Variants in LRRC63 observed in about 807,000 individuals in gnomAD.
LRRC63 encodes leucine-rich repeat-containing protein 63.
In LRRC63, 40 loss-of-function variants were observed where a neutral mutation model predicts 49.5. The ratio of observed to expected loss-of-function variants is 0.81; its 90% CI spans 0.63 to 1.05. The LOEUF (loss-of-function observed/expected upper bound fraction) is 1.05, where lower values mean the gene tolerates loss of function less well. LRRC63 is among the 50% of genes least tolerant of loss of function. The pLI is 0.00. For missense variants in LRRC63, 636 were observed against 663.1 expected (o/e 0.96, Z 0.45); for synonymous variants, 191 against 221.1 (o/e 0.86, Z 1.21).
chr13:46,216,913 T>A (rs1357045701), intron 2 of LRRC63, among the ~76,000 whole-genome samples: 1 of 152,190 alleles, frequency 6.6e-6, no homozygotes, highest in East Asian at 1.9e-4. Flanking sequence ...GTTTATTGAT[T>A]TGATTTATGT....
chr13:46,215,074 C>T (rs1042683391), intron 2 of LRRC63, among the ~76,000 whole-genome samples: 5 of 152,192 alleles, frequency 3.3e-5, no homozygotes, highest in African/African-American at 7.2e-5. Flanking sequence ...AATAAACATA[C>T]GTGTGCATGT....
At chr13:46,264,258 T>C (rs144188251) in intron 8 of LRRC63, among the ~76,000 whole-genome samples, 24 of 152,358 alleles carry the variant, frequency 1.6e-4, no homozygotes, top group Admixed American at 5.2e-4. Context: ...GTGAATTATT[T>C]GAATCAGCCA....
In LRRC63 at chr13:46,237,420, T is replaced by C. The variant is rs115163983; in HGVS notation, c.990+3071T>C. Among the ~76,000 whole-genome samples the C allele has an allele frequency of 4.9e-3, 743 of 152,252 alleles. 1 individual carries two copies. Among genetic ancestry groups the C allele is most frequent in the Non-Finnish European group, 9.0e-3 (614 of 67,976 alleles). ...ATGTTGGTTCATTGATTGTAACAAA[T>C]ATACCAACATGGTGTACAAGTTGTT... is the stretch of plus-strand genomic sequence containing the variant. On this transcript the variant is annotated intron_variant, in intron 5 of 9. Coordinates refer to ENST00000595396, the Ensembl canonical transcript of LRRC63.
At chr13:46,255,708 T>C (rs991786699) in intron 7 of LRRC63, among the ~76,000 whole-genome samples, 8 of 150,152 alleles carry the variant, frequency 5.3e-5, no homozygotes, top group Non-Finnish European at 8.9e-5. Context: ...CTCCTAGTCT[T>C]CCTTCTTTCT....
At chr13:46,217,036 C>T (rs927372065) in intron 2 of LRRC63, among the ~76,000 whole-genome samples, 1 of 152,136 alleles carries the variant, frequency 6.6e-6, no homozygotes, top group African/African-American at 2.4e-5. Flanking sequence ...ATTTTCACAT[C>T]GATGTTCATC....
chr13:46,245,644 G>A (rs995931115), intron 5 of LRRC63, among the ~76,000 whole-genome samples: 2 of 151,924 alleles, frequency 1.3e-5, no homozygotes, highest in African/African-American at 4.8e-5. Context: ...AATAGGTCAA[G>A]AAAGAAAACA....
At chr13:46,268,161 GAGAA>G (rs1186554551) in intron 9 of LRRC63, among the ~76,000 whole-genome samples, 1 of 151,976 alleles carries the variant, frequency 6.6e-6, no homozygotes, top group Non-Finnish European at 1.5e-5. Flanking sequence ...AGGAAAATAT[GAGAA>G]AGAAATGTTA....
At chr13:46,276,852 T>TATATATATATATATATA (rs1566518794) in exon 10 of LRRC63, 6 of 120,074 alleles carry the variant, frequency 5.0e-5, no homozygotes, top group Admixed American at 9.8e-5. Flanking sequence ...ATATATATAT[T>TATATATATATATATATA]TATATATATA....
In LRRC63 at chr13:46,217,773, T is replaced by A. The variant is rs142271708; in HGVS notation, c.85+4654T>A. Among the ~76,000 whole-genome samples, 5 of 152,344 alleles carry A rather than the reference T, an allele frequency of 3.3e-5. No individual in the cohort carries two copies. In the East Asian group the frequency reaches 9.6e-4, roughly 29 times the overall value. ...CTATAAATTTCCCTCTACACACTGCTTTAAATGTGTCCAAGTGATTCAGGT... is the reference window on the plus strand; with the variant it reads ...CTATAAATTTCCCTCTACACACTGCATTAAATGTGTCCAAGTGATTCAGGT... On this transcript the variant is annotated intron_variant, in intron 2 of 9. Coordinates refer to ENST00000595396, the Ensembl canonical transcript of LRRC63.
At chr13:46,258,037 A>C (rs1025006269) in intron 7 of LRRC63, among the ~76,000 whole-genome samples, 1 of 152,042 alleles carries the variant, frequency 6.6e-6, no homozygotes, top group African/African-American at 2.4e-5. Context: ...ATGAGACTCA[A>C]AGTGATAGAG....
At chr13:46,221,486 C>A (rs183545832) in intron 2 of LRRC63, among the ~76,000 whole-genome samples, 1 of 152,092 alleles carries the variant, frequency 6.6e-6, no homozygotes, top group Admixed American at 6.5e-5. Context: ...GATAATTCAG[C>A]GAAAACATGG....
At chr13:46,258,757 C>A (rs2047566487) in intron 7 of LRRC63, among the ~76,000 whole-genome samples, 1 of 131,620 alleles carries the variant, frequency 7.6e-6, no homozygotes. Flanking sequence ...TGCAGTGAGC[C>A]AAGATCACAC....
intron 5 of LRRC63, among the ~76,000 whole-genome samples, chr13:46,245,044 T>C (rs183296713): frequency 1.6e-4 from 25 of 152,330 alleles, no homozygotes; most frequent in Admixed American, 3.3e-4. Flanking sequence ...AAAGCTCTTA[T>C]GGCTGTATTA....
chr13:46,229,384 G>A lies in LRRC63; in HGVS notation c.832+651G>A, dbSNP rs184377493. ...GAACTGGACAGTAACCAATGTGGGC[G>A]TGACTTGAGTAGAACTGGACAGTAA... On this transcript the variant is annotated intron_variant, in intron 4 of 9. Coordinates refer to ENST00000595396, the Ensembl canonical transcript of LRRC63. Among the ~76,000 whole-genome samples, 706 of 152,292 alleles carry A rather than the reference G, an allele frequency of 4.6e-3. 3 individuals are homozygous for A. The highest frequency in any genetic ancestry group is 7.8e-3 in the Non-Finnish European group (534 of 68,040).
In LRRC63 at chr13:46,253,611, G is replaced by A. The variant is rs575406366; in HGVS notation, c.1226+3120G>A. 3.9e-5 allele frequency among the ~76,000 whole-genome samples: 6 copies of A among 152,204 alleles called. No individual in the cohort carries two copies. The East Asian group carries it at 9.7e-4, about 24-fold the overall frequency. On this transcript the variant is annotated intron_variant, in intron 7 of 9. Transcript: ENST00000595396. The stretch of plus-strand genomic sequence containing the variant: ...TTCATGCAGTGGGAATAACATGGGA[G>A]GTAATGAGAGCTTGGACTCCTCAAA...
intron 2 of LRRC63, among the ~76,000 whole-genome samples, chr13:46,213,449 A>G (rs1175620134): frequency 6.6e-6 from 1 of 152,212 alleles, no homozygotes; most frequent in Non-Finnish European, 1.5e-5. Context: ...GAACAAGGCT[A>G]CCTCTACCTT....
At chr13:46,239,225 A>G (rs574343210) in intron 5 of LRRC63, among the ~76,000 whole-genome samples, 8 of 152,248 alleles carry the variant, frequency 5.3e-5, no homozygotes, top group African/African-American at 1.7e-4. Context: ...AATAATTAGT[A>G]ATATAGGCCA....
intron 5 of LRRC63, among the ~76,000 whole-genome samples, chr13:46,243,598 A>G (rs992755717): frequency 6.6e-6 from 1 of 152,202 alleles, no homozygotes; most frequent in Non-Finnish European, 1.5e-5. Flanking sequence ...AAAAAAGAGC[A>G]GGAGCAACTA....
At chr13:46,258,060 G>A (rs1273722317) in intron 7 of LRRC63, among the ~76,000 whole-genome samples, 1 of 150,782 alleles carries the variant, frequency 6.6e-6, no homozygotes, top group Non-Finnish European at 1.5e-5. Flanking sequence ...GAAAAAGCAA[G>A]ACACTTTCAG....
Sources: allele counts gnomAD v4.1 joint callset (sites outside exome capture counted in the v4.1 genomes callset), GRCh38; gene constraint gnomAD v4.1.1; transcripts MANE v1.5; gene names NCBI Gene and HGNC (gene_info 2026-07-23, HGNC 2026-07-21).